CECR2: variants seen among roughly 807,000 people sequenced by gnomAD.
The protein encoded by CECR2 is chromatin remodeling regulator CECR2.
A neutral mutation model predicts 154.5 loss-of-function variants in CECR2; 30 were observed. That is an observed-to-expected ratio of 0.19 (90% confidence interval 0.15 to 0.26). The LOEUF (loss-of-function observed/expected upper bound fraction) is 0.26. Ranked by LOEUF, CECR2 falls within the 10% of genes least tolerant of loss-of-function variation. CECR2 has a pLI of 1.00. For synonymous variants in CECR2, 725 were observed against 683.7 expected (o/e 1.06, Z -0.94); for missense variants, 1,743 against 1,829.3 (o/e 0.95, Z 0.86).
chr22:17,548,128 CTTTTT>C lies in CECR2; in HGVS notation c.2861-9_2861-5del, dbSNP rs695573. The C allele has an allele frequency of 3.1e-5, 43 of 1,378,164 alleles. No individual in the cohort carries two copies. The highest frequency in any genetic ancestry group is 5.6e-5 in the Admixed American group (2 of 35,826). The allele number at this position is 1,378,164 out of a possible 1,614,324, so 85.4% of individuals were successfully genotyped here. ...CAGCTACTGAGTTATTTTTTCTCCT[CTTTTT>C]TTTTTTTTTTGCAGCAGAGCCGTTG... On this transcript the variant is annotated splice_polypyrimidine_tract_variant and intron_variant, in intron 16 of 18. Coordinates refer to ENST00000262608, the MANE Select transcript of CECR2 (RefSeq NM_001290047.2).
In CECR2 at chr22:17,524,147, A is replaced by G; in HGVS notation, c.984A>G (p.Lys328=). The G allele has an allele frequency of 6.3e-7, 1 of 1,599,422 alleles. No individual in the cohort carries two copies. Reference sequence around the variant, plus strand: ...CTCCTGTGCTGACCAGAATAGAAAAACAAAAGCGCAAAGAGGAGGAAGAAG... The same window carrying G: ...CTCCTGTGCTGACCAGAATAGAAAAGCAAAAGCGCAAAGAGGAGGAAGAAG... The part of the protein sequence containing the change: ...EETPVLTRIE[K]QKRKEEEEER... Residue 328 remains lysine, a synonymous_variant, in exon 9 of 19, where the codon AAA becomes AAG. Transcript: ENST00000262608.
At chr22:17,421,802 G>GTT (rs981188601) in intron 1 of CECR2, among the ~76,000 whole-genome samples, 1 of 147,518 alleles carries the variant, frequency 6.8e-6, no homozygotes, top group Non-Finnish European at 1.5e-5. Context: ...TGCACTGGGT[G>GTT]TTCCCTTCCC....
intron 1 of CECR2, among the ~76,000 whole-genome samples, chr22:17,425,709 C>T (rs1171344137): frequency 1.3e-5 from 2 of 150,086 alleles, no homozygotes; most frequent in African/African-American, 4.9e-5. Flanking sequence ...TATTTTGACT[C>T]TTGGTTTCTA....
upstream of CECR2, among the ~76,000 whole-genome samples, chr22:17,366,398 A>G (rs2063001984): frequency 6.6e-6 from 1 of 152,198 alleles, no homozygotes; most frequent in Non-Finnish European, 1.5e-5. Context: ...CATGTTGGCT[A>G]GGATGGTCTC....
chr22:17,541,322 CGCTACTCA>C (rs1234475442), intron 14 of CECR2, among the ~76,000 whole-genome samples: 2 of 152,040 alleles, frequency 1.3e-5, no homozygotes, highest in Admixed American at 6.6e-5. Flanking sequence ...GGTGTGGTGG[CGCTACTCA>C]GCTACTCAGG....
chr22:17,380,055 C>A (rs1394864332), intron 1 of CECR2, among the ~76,000 whole-genome samples: 1 of 147,326 alleles, frequency 6.8e-6, no homozygotes, highest in Non-Finnish European at 1.5e-5. Flanking sequence ...AAGGTCTGAC[C>A]ATTGTTTTTT....
At chr22:17,512,114 G>A (rs1012368886) in intron 8 of CECR2, among the ~76,000 whole-genome samples, 1 of 152,180 alleles carries the variant, frequency 6.6e-6, no homozygotes, top group Admixed American at 6.5e-5. Flanking sequence ...TGGGATGGTA[G>A]GCATGTCCAC....
intron 1 of CECR2, chr22:17,428,366 A>G (rs73157525): frequency 0.12 from 17,737 of 151,574 alleles, 1,300 homozygotes; most frequent in South Asian, 0.18. Flanking sequence ...ATTATTTTTT[A>G]GGGCTTGTAC....
At chr22:17,518,828 C>G in intron 8 of CECR2, 2 of 285,896 alleles carry the variant, frequency 7.0e-6, no homozygotes, top group South Asian at 8.0e-5. Context: ...TCTCCTAAGG[C>G]TACTGAGAGC....
At chr22:17,461,678 C>T (rs1264590543) in intron 1 of CECR2, among the ~76,000 whole-genome samples, 3 of 152,106 alleles carry the variant, frequency 2.0e-5, no homozygotes, top group Admixed American at 1.3e-4. Flanking sequence ...AGTCAGTCTT[C>T]GTTCCAGATG....
intron 1 of CECR2, among the ~76,000 whole-genome samples, chr22:17,392,084 A>G (rs1341759387): frequency 2.0e-5 from 3 of 152,202 alleles, no homozygotes; most frequent in African/African-American, 7.2e-5. Flanking sequence ...TGCTCGGATT[A>G]CAAGTGTGAG....
intron 3 of CECR2, among the ~76,000 whole-genome samples, chr22:17,499,165 A>G (rs1347872358): frequency 6.6e-6 from 1 of 151,340 alleles, no homozygotes; most frequent in Non-Finnish European, 1.5e-5. Flanking sequence ...GATTTTTTGT[A>G]TTTTTAGTAG....
Position 17,532,700 on chromosome 22 carries a change from C to CTTTTTTTTTTTTTTTTTTTTTTTTTTT in CECR2, c.1109-4394_1109-4368dup, listed in dbSNP as rs695634. Among the ~76,000 whole-genome samples the CTTTTTTTTTTTTTTTTTTTTTTTTTTT allele has an allele frequency of 1.1e-4, 4 of 35,792 alleles. 2 individuals are homozygous for CTTTTTTTTTTTTTTTTTTTTTTTTTTT. The highest frequency in any genetic ancestry group is 0.071 in the Middle Eastern group (2 of 28). The allele number at this position is 35,792 out of a possible 152,430, so 23.5% of individuals were successfully genotyped here. A position where few individuals can be genotyped will look rare whatever the true frequency, so the allele number is the denominator to read the frequency against. On this transcript the variant is annotated intron_variant, in intron 9 of 18. Transcript: ENST00000262608. ...CCAAGTAGGTATATTCATTATTATTCTTTTTTTTTTTTTTTTTTTTTTTTT... is the reference window on the plus strand; with the variant it reads ...CCAAGTAGGTATATTCATTATTATTCTTTTTTTTTTTTTTTTTTTTTTTTTTTTTTTTTTTTTTTTTTTTTTTTTTTT...
intron 1 of CECR2, among the ~76,000 whole-genome samples, chr22:17,414,803 C>T (rs7286310): frequency 0.3 from 46,083 of 151,766 alleles, 7,104 homozygotes; most frequent in Middle Eastern, 0.39. Flanking sequence ...TGGGGTGAGG[C>T]GTTAGGGGCA....
At chr22:17,501,434 T>A (rs543526061) in intron 5 of CECR2, among the ~76,000 whole-genome samples, 63 of 152,156 alleles carry the variant, frequency 4.1e-4, no homozygotes, top group Middle Eastern at 3.4e-3. Flanking sequence ...GGCGGGTGCC[T>A]GTAGTCCCAG....
At chr22:17,531,348 C>T (rs1388855427) in intron 9 of CECR2, among the ~76,000 whole-genome samples, 5 of 152,194 alleles carry the variant, frequency 3.3e-5, no homozygotes, top group Admixed American at 3.3e-4. Context: ...GCAGGACCAT[C>T]CATCCTAGGA....
intron 3 of CECR2, 28 bp downstream of exon 3, chr22:17,497,614 G>T (rs2055654879): frequency 6.2e-7 from 1 of 1,606,050 alleles, no homozygotes; most frequent in East Asian, 2.2e-5. Context: ...ACCTTTCCCT[G>T]TAGCTGTGAA....
chr22:17,368,725 G>C (rs1331502705), upstream of CECR2, among the ~76,000 whole-genome samples: 1 of 152,116 alleles, frequency 6.6e-6, no homozygotes, highest in Non-Finnish European at 1.5e-5. Flanking sequence ...CAGCGGCCGG[G>C]CAGTAGCAGG....
chr22:17,500,203 T>C, intron 4 of CECR2, among the ~76,000 whole-genome samples: 1 of 92,122 alleles, frequency 1.1e-5, no homozygotes, highest in Non-Finnish European at 2.0e-5. Flanking sequence ...AGAGCGAGAC[T>C]CCATCAAAAA....
Sources: allele counts gnomAD v4.1 joint callset (sites outside exome capture counted in the v4.1 genomes callset), GRCh38; gene constraint gnomAD v4.1.1; transcripts MANE v1.5; gene names NCBI Gene and HGNC (gene_info 2026-07-23, HGNC 2026-07-21).